CDH18: variants seen among roughly 807,000 people sequenced by gnomAD.
CDH18 encodes cadherin-18.
In CDH18, 31 loss-of-function variants were observed where a neutral mutation model predicts 67.9. The observed-to-expected ratio is 0.46, with a 90% CI of 0.34 to 0.62. The LOEUF (loss-of-function observed/expected upper bound fraction) is 0.62. Ranked by LOEUF, CDH18 falls within the 20% of genes least tolerant of loss-of-function variation. The pLI, the probability that CDH18 is intolerant of heterozygous loss-of-function variation, is 0.01. For synonymous variants in CDH18, 362 were observed against 347.2 expected, an observed-to-expected ratio of 1.04 and a Z score of -0.48; for missense variants, 890 against 975.5, an observed-to-expected ratio of 0.91 and a Z score of 1.17.
chr5:20,016,315 G>A (rs536842117), intron 2 of CDH18, among the ~76,000 whole-genome samples: 89 of 152,216 alleles, frequency 5.8e-4, no homozygotes, highest in African/African-American at 2.1e-3. Flanking sequence ...CTTACTTGAA[G>A]ATGGAGGTTG....
At chr5:20,371,386 T>A (rs1388813319) in intron 1 of CDH18, among the ~76,000 whole-genome samples, 4 of 152,260 alleles carry the variant, frequency 2.6e-5, no homozygotes, top group Middle Eastern at 3.4e-3. Flanking sequence ...AACATGGAAA[T>A]CAGACAATCG....
intron 1 of CDH18, among the ~76,000 whole-genome samples, chr5:20,418,255 T>TTTTTTTTTC: frequency 7.6e-6 from 1 of 131,268 alleles, no homozygotes; most frequent in Non-Finnish European, 1.6e-5. Flanking sequence ...TTTTTTTTTT[T>TTTTTTTTTC]TTTTTTTTTT....
intron 5 of CDH18, among the ~76,000 whole-genome samples, chr5:19,706,965 G>T (rs578207440): frequency 1.1e-4 from 17 of 152,182 alleles, no homozygotes; most frequent in Non-Finnish European, 2.5e-4. Context: ...ACAGAAACCA[G>T]CTGTAAAGAC....
At chr5:19,722,245 G>A (rs1273620152) in intron 4 of CDH18, among the ~76,000 whole-genome samples, 1 of 151,838 alleles carries the variant, frequency 6.6e-6, no homozygotes, top group Non-Finnish European at 1.5e-5. Flanking sequence ...GTAGAAACAG[G>A]GTTTCGCCAT....
At chr5:20,266,550 C>G (rs534189389) in intron 1 of CDH18, among the ~76,000 whole-genome samples, 1 of 147,326 alleles carries the variant, frequency 6.8e-6, no homozygotes, top group Admixed American at 6.8e-5. Flanking sequence ...ATTACAGGCA[C>G]GTGCCGGCAC....
At chr5:20,403,549 G>T (rs1745969418) in intron 1 of CDH18, among the ~76,000 whole-genome samples, 1 of 152,134 alleles carries the variant, frequency 6.6e-6, no homozygotes, top group Non-Finnish European at 1.5e-5. Flanking sequence ...GGTTTTGGGG[G>T]TTTATCAGGT....
chr5:19,992,918 T>C (rs1800063208), upstream of CDH18, among the ~76,000 whole-genome samples: 1 of 152,150 alleles, frequency 6.6e-6, no homozygotes, highest in Admixed American at 6.5e-5. Context: ...AATTTTTGGG[T>C]GTTGCTGTAG....
intron 1 of CDH18, among the ~76,000 whole-genome samples, chr5:20,369,015 G>T (rs1363518726): frequency 6.6e-6 from 1 of 151,806 alleles, no homozygotes; most frequent in East Asian, 1.9e-4. Context: ...TTTTATCTTG[G>T]GACTCAGCTT....
At chr5:20,205,930 T>C (rs1739845517) in intron 2 of CDH18, among the ~76,000 whole-genome samples, 1 of 151,734 alleles carries the variant, frequency 6.6e-6, no homozygotes, top group Non-Finnish European at 1.5e-5. Flanking sequence ...GTGACACACA[T>C]TAAGGACTTA....
At chr5:20,087,005 A>C (rs1745014569) in intron 2 of CDH18, among the ~76,000 whole-genome samples, 2 of 152,142 alleles carry the variant, frequency 1.3e-5, no homozygotes, top group African/African-American at 4.8e-5. Flanking sequence ...AAATCTATAA[A>C]CTTCTGGAAA....
chr5:20,135,074 A>C (rs1415178113), intron 2 of CDH18, among the ~76,000 whole-genome samples: 1 of 152,106 alleles, frequency 6.6e-6, no homozygotes, highest in Non-Finnish European at 1.5e-5. Flanking sequence ...GGAGAGAGAA[A>C]CAGATCCCTT....
chr5:20,524,624 G>C (rs1755937846), intron 1 of CDH18, among the ~76,000 whole-genome samples: 1 of 151,964 alleles, frequency 6.6e-6, no homozygotes, highest in African/African-American at 2.4e-5. Context: ...CTGCATTTAG[G>C]AGGCTTACCG....
intron 2 of CDH18, among the ~76,000 whole-genome samples, chr5:19,878,979 G>T (rs1787333771): frequency 1.3e-5 from 2 of 151,932 alleles, no homozygotes; most frequent in South Asian, 4.1e-4. Context: ...TTATTACTAA[G>T]AATTTTTCAT....
chr5:20,317,723 C>G (rs535870632), intron 1 of CDH18, among the ~76,000 whole-genome samples: 1 of 152,182 alleles, frequency 6.6e-6, no homozygotes, highest in South Asian at 2.1e-4. Flanking sequence ...ATTTTAGTTA[C>G]TATAAAATAT....
At chr5:19,533,240 G>C (rs1164552636) in intron 9 of CDH18, among the ~76,000 whole-genome samples, 2 of 152,194 alleles carry the variant, frequency 1.3e-5, no homozygotes, top group Non-Finnish European at 2.9e-5. Context: ...GTAAGCCAAA[G>C]AAAGAATCTT....
chr5:20,370,926 ACT>A (rs1028177473), intron 1 of CDH18, among the ~76,000 whole-genome samples: 3 of 151,930 alleles, frequency 2.0e-5, no homozygotes, highest in Non-Finnish European at 4.4e-5. Flanking sequence ...AATCCCAGCT[ACT>A]CAGGAGGCTC....
Position 20,178,512 on chromosome 5 carries a change from A to G in CDH18, c.-518+76932T>C, listed in dbSNP as rs1009618381. On this transcript the variant is annotated intron_variant, in intron 2 of 14. Transcript: ENST00000507958. ...TTCAGTTCTAATTAAGAAAAAAAAA[A>G]ACATGAAATACCCAGAGCAGGTGTG... 1.9e-4 allele frequency among the ~76,000 whole-genome samples: 29 copies of G among 151,530 alleles called. 1 individual carries two copies. The highest frequency in any genetic ancestry group is 7.0e-4 in the African/African-American group (29 of 41,446).
At chr5:20,104,590 T>C (rs1746765591) in intron 2 of CDH18, among the ~76,000 whole-genome samples, 1 of 152,162 alleles carries the variant, frequency 6.6e-6, no homozygotes, top group South Asian at 2.1e-4. Flanking sequence ...ATGCGATCTA[T>C]GTCCCTAGTA....
intron 9 of CDH18, among the ~76,000 whole-genome samples, chr5:19,538,463 T>C (rs189835378): frequency 2.6e-5 from 4 of 152,310 alleles, no homozygotes; most frequent in Non-Finnish European, 5.9e-5. Flanking sequence ...ATACAACACT[T>C]TCTAGGTCCC....
Sources: allele counts gnomAD v4.1 joint callset (sites outside exome capture counted in the v4.1 genomes callset), GRCh38; gene constraint gnomAD v4.1.1; transcripts MANE v1.5; gene names NCBI Gene and HGNC (gene_info 2026-07-23, HGNC 2026-07-21).